Variants in NIPA2 observed in about 807,000 individuals in gnomAD.
NIPA2 encodes NIPA magnesium transporter 2.
In NIPA2, 11 loss-of-function variants were observed where a neutral mutation model predicts 29.7. The observed-to-expected ratio is 0.37, with a 90% CI of 0.23 to 0.61. The LOEUF is 0.61. Ranked by LOEUF, NIPA2 falls within the 20% of genes least tolerant of loss-of-function variation. The pLI is 0.66. For missense variants in NIPA2, 426 were observed against 437.9 expected, an observed-to-expected ratio of 0.97 and a Z score of 0.24; for synonymous variants, 183 against 161.9, an observed-to-expected ratio of 1.13 and a Z score of -0.99.
At chr15:22,863,889 A>C (rs1479057864) in intron 7 of NIPA2, among the ~76,000 whole-genome samples, 2 of 152,118 alleles carry the variant, frequency 1.3e-5, no homozygotes, top group Non-Finnish European at 2.9e-5. Flanking sequence ...TGATGCCCTC[A>C]AATAAATGTT....
chr15:22,858,845 C>G (rs965173531), intron 6 of NIPA2, among the ~76,000 whole-genome samples: 1 of 152,136 alleles, frequency 6.6e-6, no homozygotes, highest in African/African-American at 2.4e-5. Flanking sequence ...TGCTTGTATT[C>G]AGAGCCAGTA....
At chr15:22,856,480 T>G (rs2058187274) in intron 5 of NIPA2, among the ~76,000 whole-genome samples, 1 of 152,040 alleles carries the variant, frequency 6.6e-6, no homozygotes, top group Admixed American at 6.6e-5. Flanking sequence ...TTTGAGACAT[T>G]GCAGCCAAAT....
chr15:22,862,121 C>T (rs536421193), intron 7 of NIPA2, among the ~76,000 whole-genome samples: 1 of 140,822 alleles, frequency 7.1e-6, no homozygotes, highest in Non-Finnish European at 1.5e-5. Context: ...GATCTCGGCT[C>T]ACTGCATCCT....
In NIPA2 at chr15:22,867,695, CATGTT is replaced by C. The variant is rs1364772465; in HGVS notation, c.*851_*855del. 1 of 152,314 alleles carries C rather than the reference CATGTT, an allele frequency of 6.6e-6. No homozygotes were observed. Among genetic ancestry groups the C allele is most frequent in the Non-Finnish European group, 1.5e-5 (1 of 68,224 alleles). The allele number at this position is 152,314 out of a possible 1,614,324, so 9.4% of individuals were successfully genotyped here. ...CTAGGGTTGTTTCTTAAATTTAGCT[CATGTT>C]ATAATAAAAAGTTGAAATGAAGTTC... is the stretch of plus-strand genomic sequence containing the variant. On this transcript the variant is annotated 3_prime_UTR_variant, in exon 8 of 8. Transcript: ENST00000337451.
intron 6 of NIPA2, among the ~76,000 whole-genome samples, chr15:22,860,227 C>G (rs894916554): frequency 3.3e-5 from 5 of 152,066 alleles, no homozygotes; most frequent in Non-Finnish European, 7.4e-5. Context: ...ACCATGTTGG[C>G]CAGGCTGGGC....
chr15:22,849,664 A>G (rs1394778723), intron 3 of NIPA2, among the ~76,000 whole-genome samples: 2 of 150,770 alleles, frequency 1.3e-5, no homozygotes, highest in Non-Finnish European at 2.9e-5. Flanking sequence ...GGTTCATGCC[A>G]TTCTCCCGCC....
At chr15:22,841,344 CTATT>C (rs1281538304) in intron 2 of NIPA2, among the ~76,000 whole-genome samples, 3 of 152,122 alleles carry the variant, frequency 2.0e-5, no homozygotes, top group African/African-American at 7.2e-5. Flanking sequence ...TTCTGCATAT[CTATT>C]TGTTTTATGT....
intron 7 of NIPA2, 115 bp downstream of exon 7, chr15:22,860,904 A>G (rs2058573640): frequency 1.4e-6 from 1 of 719,328 alleles, no homozygotes; most frequent in Non-Finnish European, 2.2e-6. Context: ...GTAGAAGAAC[A>G]AATTGTCGTC....
chr15:22,839,115 C>G lies in NIPA2; in HGVS notation c.-352+194C>G, dbSNP rs552884504. ...CGTTCAGTCCCACGGAAGCCTGGCTCGTTGGCCATGTCGGGGACGCATGTT... is the reference window on the plus strand; with the variant it reads ...CGTTCAGTCCCACGGAAGCCTGGCTGGTTGGCCATGTCGGGGACGCATGTT... On this transcript the variant is annotated intron_variant, in intron 1 of 7. Transcript: ENST00000337451. 5 of 152,194 alleles carry G rather than the reference C, an allele frequency of 3.3e-5. No homozygotes were observed. The South Asian group carries it at 6.2e-4, about 19-fold the overall frequency. The allele number at this position is 152,194 out of a possible 1,614,324, so 9.4% of individuals were successfully genotyped here. A position where few individuals can be genotyped will look rare whatever the true frequency, so the allele number is the denominator to read the frequency against.
rs2058605717 is a variant in NIPA2 at position 22,861,313 on chromosome 15, C to T, written c.448+524C>T. Among the ~76,000 whole-genome samples the T allele has an allele frequency of 1.3e-5, 2 of 152,138 alleles. 1 individual carries two copies. The highest frequency in any genetic ancestry group is 1.3e-4 in the Admixed American group (2 of 15,270). Reference sequence around the variant, plus strand: ...CTCTTTTGGAAATTTCTCTCAGTGCCTTCTGTGTGGCCTCAATCTAGGCGG... The same window carrying T: ...CTCTTTTGGAAATTTCTCTCAGTGCTTTCTGTGTGGCCTCAATCTAGGCGG... On this transcript the variant is annotated intron_variant, in intron 7 of 7. Coordinates refer to ENST00000337451, the MANE Select transcript of NIPA2 (RefSeq NM_030922.7).
chr15:22,855,028 A>G (rs1181873022), intron 5 of NIPA2, among the ~76,000 whole-genome samples: 2 of 152,192 alleles, frequency 1.3e-5, no homozygotes, highest in Admixed American at 1.3e-4. Context: ...CAAATTAAAA[A>G]GAGGTATGTA....
At position 22,867,230 on chromosome 15, in the gene NIPA2, TTTTA is replaced by T; in HGVS notation, c.*387_*390del. On this transcript the variant is annotated 3_prime_UTR_variant, in exon 8 of 8. Transcript: ENST00000337451. The stretch of plus-strand genomic sequence containing the variant: ...ATCAATCCCTGACCATGTAAGGCTT[TTTTA>T]TTTTAAAAAAACAGAGTTATCCCAA... 1 of 404,292 alleles carries T rather than the reference TTTTA, an allele frequency of 2.5e-6. No homozygotes were observed. Among genetic ancestry groups the T allele is most frequent in the Non-Finnish European group, 4.4e-6 (1 of 229,784 alleles). 25.0% of individuals were successfully genotyped at this position (404,292 alleles called of 1,614,324 possible). A position where few individuals can be genotyped will look rare whatever the true frequency, so the allele number is the denominator to read the frequency against.
At chr15:22,840,098 T>C (rs1164499907) in intron 2 of NIPA2, among the ~76,000 whole-genome samples, 1 of 151,888 alleles carries the variant, frequency 6.6e-6, no homozygotes, top group East Asian at 1.9e-4. Context: ...TTTTTGTATT[T>C]TTTTTAGAAC....
chr15:22,844,530 G>C (rs548828495), intron 2 of NIPA2, among the ~76,000 whole-genome samples: 1 of 151,000 alleles, frequency 6.6e-6, no homozygotes, highest in African/African-American at 2.5e-5. Context: ...CTCCAGCCCG[G>C]GCGACAGTGC....
rs141655898 is a variant in NIPA2, at chr15:22,843,729, C to T, written c.-215-1417C>T. ...GCAGTGGTGCAATCTTGGCTCACTG[C>T]AACCTCCACCTCCCAGGTTCAATAG... On this transcript the variant is annotated intron_variant, in intron 2 of 7. Coordinates refer to ENST00000337451, the MANE Select transcript of NIPA2 (RefSeq NM_030922.7). Among the ~76,000 whole-genome samples, 1,513 of 151,860 alleles carry T rather than the reference C, an allele frequency of 1.0e-2. 20 individuals carry two copies. Among genetic ancestry groups the T allele is most frequent in the Non-Finnish European group, 0.012 (788 of 67,924 alleles).
chr15:22,838,929 C>T lies in NIPA2; in HGVS notation c.-352+8C>T, dbSNP rs1324651000. The T allele has an allele frequency of 2.0e-5, 3 of 152,208 alleles. No individual in the cohort carries two copies. The highest frequency in any genetic ancestry group is 2.1e-4 in the South Asian group (1 of 4,830). 9.4% of individuals were successfully genotyped at this position (152,208 alleles called of 1,614,324 possible). A position where few individuals can be genotyped will look rare whatever the true frequency, so the allele number is the denominator to read the frequency against. ...GCCGGCCGGCCGACTAGGGTGAGGT[C>T]GCCACTCCTTCCTTTCAGGCAAGCG... is the stretch of plus-strand genomic sequence containing the variant. On this transcript the variant is annotated splice_region_variant and intron_variant, in intron 1 of 7. Coordinates refer to ENST00000337451, the MANE Select transcript of NIPA2 (RefSeq NM_030922.7).
chr15:22,856,608 A>G (rs1209151282), intron 5 of NIPA2, among the ~76,000 whole-genome samples: 2 of 152,212 alleles, frequency 1.3e-5, no homozygotes, highest in African/African-American at 2.4e-5. Flanking sequence ...GATAATTGTA[A>G]TATGTTTAAC....
At chr15:22,841,096 T>A (rs776251802) in intron 2 of NIPA2, among the ~76,000 whole-genome samples, 1 of 152,184 alleles carries the variant, frequency 6.6e-6, no homozygotes, top group Non-Finnish European at 1.5e-5. Context: ...ACTTGAGAAC[T>A]ACAGCTAATG....
At chr15:22,865,876 G>A (rs2059016198) in intron 7 of NIPA2, among the ~76,000 whole-genome samples, 1 of 151,980 alleles carries the variant, frequency 6.6e-6, no homozygotes, top group Admixed American at 6.6e-5. Flanking sequence ...AACATTCAAG[G>A]CCACCTCATG....
Sources: gnomAD v4.1 joint callset for allele counts (sites outside exome capture counted in the v4.1 genomes callset) on GRCh38, gnomAD v4.1.1 for gene constraint, MANE v1.5 for transcripts, NCBI Gene and HGNC (gene_info 2026-07-23, HGNC 2026-07-21) for gene names.